The following TPRG1 variants were observed in gnomAD, a reference collection of about 807,000 sequenced individuals.
The protein encoded by TPRG1 is tumor protein p63-regulated gene 1 protein.
Under a neutral mutation model 29.3 loss-of-function variants are expected in TPRG1, and 29 were observed. That is an observed-to-expected ratio of 0.99 (90% confidence interval 0.74 to 1.35). The LOEUF (loss-of-function observed/expected upper bound fraction) is 1.35, where lower values mean the gene tolerates loss of function less well. TPRG1 is among the 40% of genes most tolerant of loss of function. TPRG1 has a pLI of 0.00. For synonymous variants in TPRG1, 130 were observed against 116.8 expected (o/e 1.11, Z -0.73); for missense variants, 327 against 335.0 (o/e 0.98, Z 0.19).
intron 2 of TPRG1, among the ~76,000 whole-genome samples, chr3:189,001,847 G>A (rs1712038151): frequency 1.3e-5 from 2 of 152,126 alleles, no homozygotes; most frequent in Non-Finnish European, 2.9e-5. Context: ...CTGAGTGTGA[G>A]GATTGGAAAT....
chr3:189,218,132 A>T, intron 3 of TPRG1: 2 of 786,938 alleles, frequency 2.5e-6, no homozygotes, highest in Non-Finnish European at 3.1e-6. Flanking sequence ...TTTTTTTTTG[A>T]GACGGAGTCT....
At chr3:189,001,630 A>G (rs1242240200) in intron 2 of TPRG1, among the ~76,000 whole-genome samples, 1 of 152,162 alleles carries the variant, frequency 6.6e-6, no homozygotes, top group East Asian at 1.9e-4. Context: ...TTAAGTTTCA[A>G]CATATAGATT....
At chr3:189,074,668 A>G (rs1433356362) in intron 4 of TPRG1, among the ~76,000 whole-genome samples, 3 of 151,856 alleles carry the variant, frequency 2.0e-5, no homozygotes, top group Admixed American at 1.3e-4. Context: ...TTATTGATCA[A>G]CTATGCTTAT....
chr3:189,206,068 T>G (rs985061306), intron 1 of TPRG1, among the ~76,000 whole-genome samples: 7,386 of 100,516 alleles, frequency 0.073, 236 homozygotes, highest in Middle Eastern at 0.12. Context: ...TCTTTCTTTT[T>G]TCTTTCTTTC....
At chr3:189,208,235 G>T (rs1734715120) in intron 2 of TPRG1, among the ~76,000 whole-genome samples, 3 of 152,244 alleles carry the variant, frequency 2.0e-5, no homozygotes, top group South Asian at 2.1e-4. Flanking sequence ...TGCTTCATAG[G>T]TTTCTAGTAC....
chr3:189,202,709 T>C (rs1733693265), intron 1 of TPRG1, among the ~76,000 whole-genome samples: 1 of 152,178 alleles, frequency 6.6e-6, no homozygotes, highest in Non-Finnish European at 1.5e-5. Flanking sequence ...GAGCTTCTTG[T>C]GCCTAAAGGA....
chr3:189,290,585 G>T (rs1173148754), intron 4 of TPRG1, among the ~76,000 whole-genome samples: 1 of 152,214 alleles, frequency 6.6e-6, no homozygotes. Context: ...TTATTAAGAG[G>T]CTACTGGTTT....
chr3:189,316,612 C>T (rs571374355), intron 5 of TPRG1, among the ~76,000 whole-genome samples: 13 of 152,200 alleles, frequency 8.5e-5, no homozygotes, highest in South Asian at 4.2e-4. Context: ...ACCAGGCACT[C>T]GGCTGGTAAA....
At chr3:189,181,346 C>G (rs113019221) in intron 1 of TPRG1, among the ~76,000 whole-genome samples, 3 of 152,148 alleles carry the variant, frequency 2.0e-5, no homozygotes. Flanking sequence ...CTCAGTCAGG[C>G]TGCAAATTTC....
At chr3:189,315,189 G>A (rs986962085) in intron 5 of TPRG1, among the ~76,000 whole-genome samples, 1 of 151,950 alleles carries the variant, frequency 6.6e-6, no homozygotes, top group Non-Finnish European at 1.5e-5. Context: ...GTTATTCAGA[G>A]GGATTAAGTG....
intron 3 of TPRG1, among the ~76,000 whole-genome samples, chr3:189,008,079 G>A (rs1293255973): frequency 1.2e-4 from 4 of 33,522 alleles, no homozygotes; most frequent in African/African-American, 2.7e-4. Flanking sequence ...AAAAAAAAAC[G>A]TTCTAGAAAA....
chr3:189,074,987 A>G (rs1252022951), intron 4 of TPRG1, among the ~76,000 whole-genome samples: 24 of 150,156 alleles, frequency 1.6e-4, no homozygotes, highest in Admixed American at 8.6e-4. Context: ...AATTTTTTGT[A>G]TTTTTAGTAG....
At chr3:189,061,410 G>C (rs1046457027) in intron 4 of TPRG1, among the ~76,000 whole-genome samples, 1 of 152,180 alleles carries the variant, frequency 6.6e-6, no homozygotes, top group African/African-American at 2.4e-5. Context: ...AATGCCAAAA[G>C]CAATTTCAAC....
chr3:189,094,947 G>A (rs1048313229), intron 4 of TPRG1, among the ~76,000 whole-genome samples: 2 of 152,118 alleles, frequency 1.3e-5, no homozygotes, highest in Non-Finnish European at 2.9e-5. Context: ...AAAATGATTG[G>A]CATCAGTTTT....
intron 4 of TPRG1, among the ~76,000 whole-genome samples, chr3:189,292,145 G>A (rs746150575): frequency 6.6e-6 from 1 of 152,102 alleles, no homozygotes; most frequent in Non-Finnish European, 1.5e-5. Context: ...GCAATAAGAT[G>A]TAATCTGTTT....
At chr3:189,261,137 G>A (rs1362166190) in intron 4 of TPRG1, among the ~76,000 whole-genome samples, 1 of 152,138 alleles carries the variant, frequency 6.6e-6, no homozygotes, top group African/African-American at 2.4e-5. Context: ...GCAAATAGCT[G>A]AAGTGTATGC....
At chr3:189,127,472 T>C (rs1722617977) in intron 2 of TPRG1, among the ~76,000 whole-genome samples, 1 of 152,224 alleles carries the variant, frequency 6.6e-6, no homozygotes, top group South Asian at 2.1e-4. Context: ...TTATAACCAA[T>C]GTGCCAAGTT....
intron 4 of TPRG1, among the ~76,000 whole-genome samples, chr3:189,300,281 T>C (rs1341576237): frequency 6.6e-6 from 1 of 152,196 alleles, no homozygotes; most frequent in Non-Finnish European, 1.5e-5. Flanking sequence ...ATAGAGATTA[T>C]AAAACTATCT....
intron 4 of TPRG1, among the ~76,000 whole-genome samples, chr3:189,063,222 G>A (rs1007203243): frequency 6.6e-6 from 1 of 151,982 alleles, no homozygotes; most frequent in Non-Finnish European, 1.5e-5. Flanking sequence ...AATTCTAAAT[G>A]TACACACCAA....
Sources: gnomAD v4.1 joint callset for allele counts (sites outside exome capture counted in the v4.1 genomes callset) on GRCh38, gnomAD v4.1.1 for gene constraint, MANE v1.5 for transcripts, NCBI Gene and HGNC (gene_info 2026-07-23, HGNC 2026-07-21) for gene names.